Variants in GAREM1 observed in about 807,000 individuals in gnomAD.
The protein encoded by GAREM1 is GRB2-associated and regulator of MAPK protein 1.
Under a neutral mutation model 71.3 loss-of-function variants are expected in GAREM1, and 26 were observed. The observed-to-expected ratio is 0.36, with a 90% confidence interval of 0.27 to 0.51. The LOEUF (loss-of-function observed/expected upper bound fraction) is 0.51, where lower values mean the gene tolerates loss of function less well. Among genes scored for constraint, GAREM1 ranks in the 20% least tolerant of loss-of-function variants. The pLI is 0.95. For synonymous variants in GAREM1, 440 were observed against 433.2 expected (o/e 1.02, Z -0.20); for missense variants, 1,026 against 1,103.1 (o/e 0.93, Z 0.99).
At chr18:32,340,138 C>T (rs1240580675) in intron 2 of GAREM1, among the ~76,000 whole-genome samples, 1 of 152,238 alleles carries the variant, frequency 6.6e-6, no homozygotes, top group Non-Finnish European at 1.5e-5. Flanking sequence ...CCTGGCCTTA[C>T]TCCCAGTTCT....
chr18:32,299,379 C>T (rs188596899), intron 3 of GAREM1, among the ~76,000 whole-genome samples: 2,102 of 151,480 alleles, frequency 0.014, 58 homozygotes, highest in African/African-American at 0.048. Flanking sequence ...CCGGGTGTGG[C>T]GGTGTGCGCC....
chr18:32,396,938 T>A (rs1199996397), intron 1 of GAREM1, among the ~76,000 whole-genome samples: 1 of 152,120 alleles, frequency 6.6e-6, no homozygotes, highest in South Asian at 2.1e-4. Context: ...GGGAAGCCCA[T>A]CAGACTAACA....
At chr18:32,370,840 C>A (rs984963416) in intron 2 of GAREM1, among the ~76,000 whole-genome samples, 8 of 152,144 alleles carry the variant, frequency 5.3e-5, no homozygotes, top group African/African-American at 1.9e-4. Flanking sequence ...CTGCTGTTTA[C>A]AATCTTTATA....
chr18:32,333,153 G>A (rs1045130931), intron 2 of GAREM1, among the ~76,000 whole-genome samples: 1 of 151,748 alleles, frequency 6.6e-6, no homozygotes, highest in African/African-American at 2.4e-5. Flanking sequence ...TGGAGATGAT[G>A]AGAGGGAAAA....
chr18:32,323,184 A>G (rs963949622), intron 2 of GAREM1, among the ~76,000 whole-genome samples: 1 of 152,256 alleles, frequency 6.6e-6, no homozygotes, highest in Non-Finnish European at 1.5e-5. Context: ...AATGTCACCC[A>G]GCCCCAAAAC....
intron 2 of GAREM1, among the ~76,000 whole-genome samples, chr18:32,333,618 AC>A (rs1243677817): frequency 1.3e-5 from 2 of 152,078 alleles, no homozygotes; most frequent in African/African-American, 4.8e-5. Flanking sequence ...TAAAGTGGAA[AC>A]CTCACCCACT....
intron 1 of GAREM1, among the ~76,000 whole-genome samples, chr18:32,445,320 C>T (rs1240545453): frequency 6.6e-6 from 1 of 151,022 alleles, no homozygotes; most frequent in African/African-American, 2.4e-5. Context: ...AACCCCCCGC[C>T]CCTGCAAAAA....
At chr18:32,454,016 T>G (rs1016887866) in intron 1 of GAREM1, among the ~76,000 whole-genome samples, 4 of 151,948 alleles carry the variant, frequency 2.6e-5, no homozygotes, top group African/African-American at 9.7e-5. Context: ...TTCTTTAAAG[T>G]TGGAAAACGT....
chr18:32,306,540 C>T (rs748068744), intron 3 of GAREM1, among the ~76,000 whole-genome samples: 2 of 152,148 alleles, frequency 1.3e-5, no homozygotes, highest in African/African-American at 2.4e-5. Flanking sequence ...CAGACACTGC[C>T]AGTGTCCCCT....
At chr18:32,274,684 C>G (rs897916895) in intron 4 of GAREM1, among the ~76,000 whole-genome samples, 1 of 152,152 alleles carries the variant, frequency 6.6e-6, no homozygotes, top group Non-Finnish European at 1.5e-5. Flanking sequence ...CCCCAGCACA[C>G]CCTGTGCTTT....
intron 1 of GAREM1, among the ~76,000 whole-genome samples, chr18:32,436,974 A>C (rs559145651): frequency 2.6e-5 from 4 of 152,324 alleles, no homozygotes; most frequent in Admixed American, 2.6e-4. Flanking sequence ...TTAAATGAGA[A>C]ATTACACATA....
At chr18:32,285,980 T>C (rs1479776398) in intron 4 of GAREM1, among the ~76,000 whole-genome samples, 1 of 152,188 alleles carries the variant, frequency 6.6e-6, no homozygotes, top group Admixed American at 6.5e-5. Context: ...AGGTTTTGAT[T>C]TGAACTCTTC....
chr18:32,436,438 T>C (rs2048679558), intron 1 of GAREM1, among the ~76,000 whole-genome samples: 2 of 152,226 alleles, frequency 1.3e-5, no homozygotes, highest in African/African-American at 2.4e-5. Context: ...TATTTATCTA[T>C]ATTCTTCTAA....
At chr18:32,360,768 A>G (rs1177118828) in intron 2 of GAREM1, among the ~76,000 whole-genome samples, 1 of 152,134 alleles carries the variant, frequency 6.6e-6, no homozygotes, top group Non-Finnish European at 1.5e-5. Flanking sequence ...AACTTATTCC[A>G]GAGATTTGTT....
intron 3 of GAREM1, among the ~76,000 whole-genome samples, chr18:32,297,123 G>A (rs1162254409): frequency 2.0e-5 from 3 of 152,220 alleles, no homozygotes; most frequent in Admixed American, 6.5e-5. Flanking sequence ...AGCTGCAACA[G>A]TGACTGTATG....
intron 1 of GAREM1, among the ~76,000 whole-genome samples, chr18:32,404,918 A>G (rs1369220112): frequency 1.3e-5 from 2 of 152,222 alleles, no homozygotes; most frequent in Non-Finnish European, 2.9e-5. Context: ...TCACGGACAT[A>G]AACTGTTCTT....
chr18:32,390,029 T>C (rs2048181461), intron 2 of GAREM1, among the ~76,000 whole-genome samples: 1 of 151,972 alleles, frequency 6.6e-6, no homozygotes, highest in Non-Finnish European at 1.5e-5. Context: ...TGGCCGGGCG[T>C]AGTGCCAGGT....
intron 2 of GAREM1, among the ~76,000 whole-genome samples, chr18:32,364,860 A>C (rs1290652569): frequency 6.7e-6 from 1 of 149,818 alleles, no homozygotes; most frequent in Non-Finnish European, 1.5e-5. Flanking sequence ...TGTGCGAGGC[A>C]CATATAAGAG....
At chr18:32,446,715 TTCA>T (rs757223287) in intron 1 of GAREM1, among the ~76,000 whole-genome samples, 28 of 152,208 alleles carry the variant, frequency 1.8e-4, no homozygotes, top group Non-Finnish European at 2.9e-4. Context: ...TAATTGTGAG[TTCA>T]TCAATATGTC....
Sources: gnomAD v4.1 joint callset for allele counts (sites outside exome capture counted in the v4.1 genomes callset) on GRCh38, gnomAD v4.1.1 for gene constraint, MANE v1.5 for transcripts, NCBI Gene and HGNC (gene_info 2026-07-23, HGNC 2026-07-21) for gene names.